The following AGO1 variants were observed in gnomAD, a reference collection of about 807,000 sequenced individuals.
The protein encoded by AGO1 is argonaute RISC component 1.
Under a neutral mutation model 109.2 loss-of-function variants are expected in AGO1, and 11 were observed. The ratio of observed to expected loss-of-function variants is 0.10; its 90% confidence interval spans 0.06 to 0.17. The LOEUF is 0.17. Ranked by LOEUF, AGO1 falls within the 10% of genes least tolerant of loss-of-function variation. AGO1 has a pLI of 1.00. For synonymous variants in AGO1, 422 were observed against 418.6 expected, an observed-to-expected ratio of 1.01 and a Z score of -0.10; for missense variants, 574 against 1,140.3, an observed-to-expected ratio of 0.50 and a Z score of 7.15.
At chr1:35,880,356 C>T (rs1645025135), upstream of AGO1, among the ~76,000 whole-genome samples, 1 of 151,940 alleles carries the variant, frequency 6.6e-6, no homozygotes, top group Non-Finnish European at 1.5e-5. Flanking sequence ...TCAAGACCAG[C>T]CTGGGCAATA....
At chr1:35,889,681 T>TC (rs1396645085) in intron 2 of AGO1, among the ~76,000 whole-genome samples, 2 of 151,274 alleles carry the variant, frequency 1.3e-5, no homozygotes, top group Non-Finnish European at 2.9e-5. Flanking sequence ...GAAAGAAAAA[T>TC]TAGATTTTTC....
At chr1:35,907,153 A>C (rs761514880) in intron 12 of AGO1, 34 bp downstream of exon 12, 3 of 1,578,492 alleles carry the variant, frequency 1.9e-6, no homozygotes, top group East Asian at 4.5e-5. Context: ...TAATGGTGAT[A>C]GGACTCTTCT....
rs1273645163 is a variant in AGO1, at chr1:35,923,732, C to G, written c.*4125C>G. The G allele has an allele frequency of 6.6e-6, 1 of 152,578 alleles. No homozygotes were observed. The highest frequency in any genetic ancestry group is 1.5e-5 in the Non-Finnish European group (1 of 68,024). The allele number at this position is 152,578 out of a possible 1,614,324, so 9.5% of individuals were successfully genotyped here. A position where few individuals can be genotyped will look rare whatever the true frequency, so the allele number is the denominator to read the frequency against. ...GGTTGGTGCTCTCCCTTACTCTACT[C>G]ATACTGACTTAGAGCCTCTGGCTGC... On this transcript the variant is annotated 3_prime_UTR_variant, in exon 19 of 19. Transcript: ENST00000373204.
At position 35,921,872 on chromosome 1, in the gene AGO1, C is replaced by T. The variant is rs1029906678; in HGVS notation, c.*2265C>T. On this transcript the variant is annotated 3_prime_UTR_variant, in exon 19 of 19. Coordinates refer to ENST00000373204, the MANE Select transcript of AGO1 (RefSeq NM_012199.5). ...AGGAGGCAGCTCACTGGAGAGCCTA[C>T]ATTCCTTACACAAGTGCCTAAAGAG... is the stretch of plus-strand genomic sequence containing the variant. 1 of 152,750 alleles carries T rather than the reference C, an allele frequency of 6.5e-6. No homozygotes were observed. The highest frequency in any genetic ancestry group is 1.5e-5 in the Non-Finnish European group (1 of 68,104). 9.5% of individuals were successfully genotyped at this position (152,750 alleles called of 1,614,324 possible). A position where few individuals can be genotyped will look rare whatever the true frequency, so the allele number is the denominator to read the frequency against.
At chr1:35,896,631 T>G (rs1325994481) in intron 8 of AGO1, among the ~76,000 whole-genome samples, 2 of 152,324 alleles carry the variant, frequency 1.3e-5, no homozygotes, top group African/African-American at 4.8e-5. Context: ...AGTGCTGGAT[T>G]ACGGGCATGA....
upstream of AGO1, chr1:35,882,839 GGGCCCCT>G: frequency 2.0e-6 from 2 of 985,414 alleles, no homozygotes; most frequent in Non-Finnish European, 2.4e-6. The surrounding 1 kb of genome is among the most constrained non-coding windows in gnomAD (Gnocchi z 5.1). Context: ...GTGGGAGGCA[GGGCCCCT>G]GGGCGCTGGA....
rs1356152831 is a variant in AGO1 at position 35,926,680 on chromosome 1, T to C, written c.*7073T>C. The C allele has an allele frequency of 2.6e-5, 4 of 152,188 alleles. No homozygotes were observed. Among genetic ancestry groups the C allele is most frequent in the African/African-American group, 9.7e-5 (4 of 41,442 alleles). 9.4% of individuals were successfully genotyped at this position (152,188 alleles called of 1,614,324 possible). ...ATTCCTCTGATGATAGGCTGAGAAA[T>C]GCCTAGGCCGGCTTAGAAGGCACAC... On this transcript the variant is annotated 3_prime_UTR_variant, in exon 19 of 19. Transcript: ENST00000373204.
At chr1:35,873,252 T>G (rs77640982) in intron 1 of AGO1, 5 of 152,608 alleles carry the variant, frequency 3.3e-5, no homozygotes, top group African/African-American at 1.2e-4. Context: ...TCTTTTTTTT[T>G]GGTATAAAAA....
intron 12 of AGO1, among the ~76,000 whole-genome samples, chr1:35,908,733 A>G (rs988421531): frequency 6.7e-6 from 1 of 149,674 alleles, no homozygotes; most frequent in African/African-American, 2.5e-5. Context: ...TTTTCGCTTC[A>G]CCTTCATTGT....
chr1:35,901,886 C>T lies in AGO1; in HGVS notation c.1141-62C>T. Reference sequence around the variant, plus strand: ...TCCTTAGGGTTCTCTCCTTGATACCCAGAGGGTGAGCAGTATTGCCAAGCT... The same window carrying T: ...TCCTTAGGGTTCTCTCCTTGATACCTAGAGGGTGAGCAGTATTGCCAAGCT... On this transcript the variant is annotated intron_variant, in intron 9 of 18. Coordinates refer to ENST00000373204, the MANE Select transcript of AGO1 (RefSeq NM_012199.5). The surrounding 1 kb of genome is among the most constrained non-coding windows in gnomAD (Gnocchi z 4.8). 2 of 1,531,246 alleles carry T rather than the reference C, an allele frequency of 1.3e-6. No homozygotes were observed. Among genetic ancestry groups the T allele is most frequent in the Non-Finnish European group, 1.8e-6 (2 of 1,140,456 alleles). 94.9% of individuals were successfully genotyped at this position (1,531,246 alleles called of 1,614,324 possible).
At chr1:35,898,201 T>C (rs1645352033) in intron 8 of AGO1, among the ~76,000 whole-genome samples, 1 of 152,184 alleles carries the variant, frequency 6.6e-6, no homozygotes. Flanking sequence ...TGAACATAAG[T>C]TTTTATTTCT....
intron 11 of AGO1, among the ~76,000 whole-genome samples, chr1:35,904,854 G>A (rs1010153614): frequency 4.6e-5 from 7 of 152,214 alleles, no homozygotes; most frequent in Middle Eastern, 3.2e-3. Context: ...CCTAAGTGTG[G>A]ATGAGGTGAT....
intron 12 of AGO1, among the ~76,000 whole-genome samples, chr1:35,911,021 G>A (rs149337107): frequency 5.1e-4 from 78 of 152,242 alleles, no homozygotes; most frequent in African/African-American, 1.6e-3. Flanking sequence ...AGCCAAGATC[G>A]TGCCACTGCA....
Position 35,883,373 on chromosome 1 carries a change from C to T in AGO1, c.-49C>T. On this transcript the variant is annotated 5_prime_UTR_variant, in exon 1 of 19. Coordinates refer to ENST00000373204, the MANE Select transcript of AGO1 (RefSeq NM_012199.5). This position sits in a 1 kb window ranked among gnomAD's most constrained non-coding sequence, Gnocchi z 5.4. Reference sequence around the variant, plus strand: ...GTGTGGGGTACCTAGGCCCCTCACGCTGGACTTCACAGTCTCCGGGCCGCC... The same window carrying T: ...GTGTGGGGTACCTAGGCCCCTCACGTTGGACTTCACAGTCTCCGGGCCGCC... 6.3e-7 allele frequency: 1 copy of T among 1,584,090 alleles called. No homozygotes were observed. The highest frequency in any genetic ancestry group is 1.1e-5 in the South Asian group (1 of 88,872).
chr1:35,874,004 T>C (rs1162607462), intron 1 of AGO1, among the ~76,000 whole-genome samples: 1 of 152,250 alleles, frequency 6.6e-6, no homozygotes, highest in Non-Finnish European at 1.5e-5. Context: ...TGTGTCTTTC[T>C]CACATTTTTG....
At chr1:35,894,235 G>A in intron 6 of AGO1, 64 bp downstream of exon 6, 1 of 1,588,494 alleles carries the variant, frequency 6.3e-7, no homozygotes, top group Non-Finnish European at 8.6e-7. Context: ...AAATCCCCTT[G>A]GGGTATGCTC....
chr1:35,902,064 C>A lies in AGO1; in HGVS notation c.1257C>A (p.Gly419=). The change falls in exon 10 of 19, where the codon GGC becomes GGA. Residue 419 remains glycine (G), a synonymous_variant. Transcript: ENST00000373204. ...TGCCGGCGCCCATCTTGCAGTACGG[C>A]GGCCGGGTGAGCAGGGTCAGGGCCA... ...RVLPAPILQY[G]GRNRAIATPN... 1 of 1,601,818 alleles carries A rather than the reference C, an allele frequency of 6.2e-7. No individual in the cohort carries two copies.
At chr1:35,894,910 T>C (rs1645291080) in intron 7 of AGO1, among the ~76,000 whole-genome samples, 1 of 152,200 alleles carries the variant, frequency 6.6e-6, no homozygotes, top group African/African-American at 2.4e-5. Context: ...CTTTGGCTTC[T>C]CTCTTGGAGC....
In AGO1 at chr1:35,925,620, G is replaced by A. The variant is rs977746888; in HGVS notation, c.*6013G>A. The stretch of plus-strand genomic sequence containing the variant: ...CTAGTAGTCTGTGGTTTATGAGTAT[G>A]GGCTGGGTGGGCAGTGGATCAAGAA... On this transcript the variant is annotated 3_prime_UTR_variant, in exon 19 of 19. Coordinates refer to ENST00000373204, the MANE Select transcript of AGO1 (RefSeq NM_012199.5). 1.3e-5 allele frequency: 2 copies of A among 151,936 alleles called. No individual in the cohort carries two copies. Among genetic ancestry groups the A allele is most frequent in the Admixed American group, 1.3e-4 (2 of 15,218 alleles). 9.4% of individuals were successfully genotyped at this position (151,936 alleles called of 1,614,324 possible).
Sources: gnomAD v4.1 joint callset for allele counts (sites outside exome capture counted in the v4.1 genomes callset) on GRCh38, gnomAD v4.1.1 for gene constraint, Gnocchi (gnomAD v3.1) non-coding constraint, MANE v1.5 for transcripts, NCBI Gene and HGNC (gene_info 2026-07-23, HGNC 2026-07-21) for gene names.